Variants in CNTNAP3B observed in about 807,000 individuals in gnomAD.
CNTNAP3B encodes the protein contactin-associated protein-like 3B.
In CNTNAP3B, 25 loss-of-function variants were observed where a neutral mutation model predicts 108.9. The observed-to-expected ratio is 0.23, with a 90% confidence interval of 0.17 to 0.32. The LOEUF (loss-of-function observed/expected upper bound fraction) is 0.32, where lower values mean the gene tolerates loss of function less well. Among genes scored for constraint, CNTNAP3B ranks in the 10% least tolerant of loss-of-function variants. The pLI is 1.00. For synonymous variants in CNTNAP3B, 103 were observed against 473.4 expected (o/e 0.22, Z 10.16); for missense variants, 252 against 1,210.4 (o/e 0.21, Z 11.75).
chr9:42,124,184 A>T (rs1322131351), intron 1 of CNTNAP3B, among the ~76,000 whole-genome samples: 1 of 136,074 alleles, frequency 7.3e-6, no homozygotes, highest in Non-Finnish European at 1.6e-5. Flanking sequence ...TTAGATTTCA[A>T]TCACTCTTCG....
At chr9:42,105,645 T>C (rs1218109929) in intron 1 of CNTNAP3B, among the ~76,000 whole-genome samples, 2 of 73,420 alleles carry the variant, frequency 2.7e-5, no homozygotes, top group Non-Finnish European at 5.7e-5. Context: ...ATTCCCACCT[T>C]GGGTAGCTCT....
chr9:41,961,671 T>G (rs1473451259), intron 11 of CNTNAP3B, among the ~76,000 whole-genome samples: 5 of 152,298 alleles, frequency 3.3e-5, no homozygotes, highest in African/African-American at 4.8e-5. Context: ...CTTCTCGTCA[T>G]TAAAAAATAA....
In CNTNAP3B at chr9:42,041,306, C is replaced by A. The variant is rs548175166; in HGVS notation, c.391-27781G>T. On this transcript the variant is annotated intron_variant, in intron 3 of 23. Transcript: ENST00000377561. ...ACCATCAGAGTGAACAGGCAACCTA[C>A]AACATGGGAGAAAATTTTTGCAATC... Among the ~76,000 whole-genome samples the A allele has an allele frequency of 1.5e-4, 22 of 146,896 alleles. No homozygotes were observed. The South Asian group carries it at 4.3e-3, about 29-fold the overall frequency.
intron 3 of CNTNAP3B, among the ~76,000 whole-genome samples, chr9:42,053,852 T>C (rs1380941482): frequency 1.4e-5 from 2 of 144,786 alleles, no homozygotes; most frequent in Non-Finnish European, 1.5e-5. Flanking sequence ...CAAAGCCATA[T>C]ATTTTGAGAC....
chr9:41,969,108 T>C (rs1356931308), intron 10 of CNTNAP3B, among the ~76,000 whole-genome samples: 1 of 152,412 alleles, frequency 6.6e-6, no homozygotes, highest in Non-Finnish European at 1.5e-5. Context: ...ATTATCACTT[T>C]TCAATTTTTA....
chr9:41,932,281 AAG>A, intron 14 of CNTNAP3B, among the ~76,000 whole-genome samples: 1 of 152,084 alleles, frequency 6.6e-6, no homozygotes, highest in Non-Finnish European at 1.5e-5. Context: ...AAAATTCAGT[AAG>A]AGAACTTTCA....
intron 11 of CNTNAP3B, among the ~76,000 whole-genome samples, chr9:41,962,976 CAAA>C (rs66540067): frequency 6.8e-6 from 1 of 147,144 alleles, no homozygotes; most frequent in Admixed American, 6.8e-5. Context: ...AACAAACAAA[CAAA>C]AAAAAGAAAA....
chr9:41,918,395 A>G (rs1484158699), intron 18 of CNTNAP3B, among the ~76,000 whole-genome samples: 1 of 147,024 alleles, frequency 6.8e-6, no homozygotes, highest in East Asian at 1.9e-4. Flanking sequence ...AAAACACTTT[A>G]TGAAAGGTTG....
At chr9:42,079,814 C>G (rs1366816721) in intron 2 of CNTNAP3B, among the ~76,000 whole-genome samples, 1 of 138,114 alleles carries the variant, frequency 7.2e-6, no homozygotes, top group East Asian at 2.2e-4. Flanking sequence ...GGCACTGGGC[C>G]CAGCCTATTT....
At position 42,120,822 on chromosome 9, in the gene CNTNAP3B, C is replaced by T. The variant is rs567295950; in HGVS notation, c.85+8188G>A. Among the ~76,000 whole-genome samples, 211 of 64,714 alleles carry T rather than the reference C, an allele frequency of 3.3e-3. 14 individuals are homozygous for T. The highest frequency in any genetic ancestry group is 0.011 in the Middle Eastern group (1 of 88). The allele number at this position is 64,714 out of a possible 152,430, so 42.5% of individuals were successfully genotyped here. ...GAACACTACACAACGGGGACTGTCGCGGGGTGGGGGGAGGGGGGAGGGATA... is the reference window on the plus strand; with the variant it reads ...GAACACTACACAACGGGGACTGTCGTGGGGTGGGGGGAGGGGGGAGGGATA... On this transcript the variant is annotated intron_variant, in intron 1 of 23. Transcript: ENST00000377561.
intron 10 of CNTNAP3B, among the ~76,000 whole-genome samples, chr9:41,968,895 C>T (rs1825359983): frequency 6.6e-6 from 1 of 151,808 alleles, no homozygotes; most frequent in Admixed American, 6.6e-5. Flanking sequence ...CTCCCGGGTT[C>T]ACGCCATTCT....
At chr9:41,963,993 ACAGT>A (rs1372992214) in intron 11 of CNTNAP3B, among the ~76,000 whole-genome samples, 1 of 151,424 alleles carries the variant, frequency 6.6e-6, no homozygotes, top group Non-Finnish European at 1.5e-5. Context: ...AAAGAAAATC[ACAGT>A]CATTGTAAGA....
chr9:42,118,215 CACAA>C lies in CNTNAP3B; in HGVS notation c.85+10791_85+10794del, dbSNP rs1243339326. ...TCCTGATACCAAAGCCTGGCAGAGA[CACAA>C]ACAAAAAAGAGAATTTTAGACCAAT... On this transcript the variant is annotated intron_variant, in intron 1 of 23. Coordinates refer to ENST00000377561, the MANE Select transcript of CNTNAP3B (RefSeq NM_001201380.3). Among the ~76,000 whole-genome samples, 2 of 139,356 alleles carry C rather than the reference CACAA, an allele frequency of 1.4e-5. 1 individual carries two copies. The highest frequency in any genetic ancestry group is 5.7e-5 in the African/African-American group (2 of 35,090). The allele number at this position is 139,356 out of a possible 152,430, so 91.4% of individuals were successfully genotyped here.
chr9:42,123,497 C>T (rs1242465933), intron 1 of CNTNAP3B, among the ~76,000 whole-genome samples: 3 of 126,986 alleles, frequency 2.4e-5, no homozygotes, highest in African/African-American at 9.6e-5. Context: ...TGTTCAGTTT[C>T]CAAAGGAATC....
chr9:42,024,719 AGAAAC>A (rs1564176478), intron 3 of CNTNAP3B, among the ~76,000 whole-genome samples: 1 of 137,332 alleles, frequency 7.3e-6, no homozygotes, highest in Non-Finnish European at 1.6e-5. Context: ...GATGAGGAAA[AGAAAC>A]AGACATATAA....
chr9:41,928,380 C>A (rs1417360497), intron 15 of CNTNAP3B, among the ~76,000 whole-genome samples: 3 of 152,018 alleles, frequency 2.0e-5, no homozygotes, highest in African/African-American at 4.8e-5. Flanking sequence ...AGATGAGGAG[C>A]CCCCAGACAA....
chr9:41,934,122 T>TATATATATATATATACATATATATACAC (rs1214326050), intron 14 of CNTNAP3B, among the ~76,000 whole-genome samples: 1 of 73,474 alleles, frequency 1.4e-5, no homozygotes, highest in African/African-American at 5.9e-5. Flanking sequence ...TATATATATA[T>TATATATATATATATACATATATATACAC]ACACACACAT....
chr9:42,002,803 C>A (rs552121860), intron 4 of CNTNAP3B, among the ~76,000 whole-genome samples: 2 of 134,190 alleles, frequency 1.5e-5, no homozygotes, highest in South Asian at 4.8e-4. Flanking sequence ...TAGACTCCTG[C>A]AAAGTATGAC....
chr9:42,121,919 G>T (rs1828472204), intron 1 of CNTNAP3B, among the ~76,000 whole-genome samples: 1 of 140,150 alleles, frequency 7.1e-6, no homozygotes, highest in African/African-American at 2.8e-5. Context: ...TCAAAGCAAA[G>T]GACTGTATTA....
Sources: gnomAD v4.1 joint callset for allele counts (sites outside exome capture counted in the v4.1 genomes callset) on GRCh38, gnomAD v4.1.1 for gene constraint, MANE v1.5 for transcripts, NCBI Gene and HGNC (gene_info 2026-07-23, HGNC 2026-07-21) for gene names.